Variants in TRAPPC6A observed in about 807,000 individuals in gnomAD.
TRAPPC6A encodes the protein TRAPP complex subunit 6A.
TRAPPC6A carries 25 observed loss-of-function variants against 20.8 expected under a neutral mutation model. The ratio of observed to expected loss-of-function variants is 1.20; its 90% CI spans 0.88 to 1.68. The LOEUF (loss-of-function observed/expected upper bound fraction) is 1.68. TRAPPC6A is among the 40% of genes most tolerant of loss of function. TRAPPC6A has a pLI of 0.00. For missense variants in TRAPPC6A, 215 were observed against 211.6 expected (o/e 1.02, Z -0.10); for synonymous variants, 96 against 93.3 (o/e 1.03, Z -0.16).
chr19:45,163,102 CAA>C lies in TRAPPC6A; in HGVS notation c.*88_*89del. On this transcript the variant is annotated 3_prime_UTR_variant, in exon 6 of 6. Transcript: ENST00000585934. The surrounding 1 kb of genome is among the most constrained non-coding windows in gnomAD (Gnocchi z 5.3). ...TGTGACCCCTAGGGCCTGGGATTCC[CAA>C]GACCACCCCGAAATGCAGCGGCCCC... The C allele has an allele frequency of 5.2e-6, 8 of 1,532,908 alleles. No homozygotes were observed. The highest frequency in any genetic ancestry group is 7.2e-6 in the Non-Finnish European group (8 of 1,115,104). The allele number at this position is 1,532,908 out of a possible 1,614,324, so 95.0% of individuals were successfully genotyped here. A position where few individuals can be genotyped will look rare whatever the true frequency, so the allele number is the denominator to read the frequency against.
At position 45,164,026 on chromosome 19, in the gene TRAPPC6A, G is replaced by T; in HGVS notation, c.355-17C>A. On this transcript the variant is annotated splice_polypyrimidine_tract_variant and intron_variant, in intron 4 of 5. Coordinates refer to ENST00000585934, the MANE Select transcript of TRAPPC6A (RefSeq NM_001270891.2). ...GGCCAGGAACTGAGGAGGGAACACA[G>T]ACCAGCATGGGAAGAGAGGGGAGGC... 1.3e-6 allele frequency: 2 copies of T among 1,564,452 alleles called. No homozygotes were observed. The highest frequency in any genetic ancestry group is 1.2e-5 in the South Asian group (1 of 84,954).
rs1036233360 is a variant in TRAPPC6A, at chr19:45,163,166, T to C, written c.*26A>G. The C allele has an allele frequency of 6.2e-7, 1 of 1,613,700 alleles. No individual in the cohort carries two copies. The highest frequency in any genetic ancestry group is 1.1e-5 in the South Asian group (1 of 91,076). ...AGGCCGGTGAGGCCAGGGGCAGCAG[T>C]GCGGCTCAGCAGGTGCGAGGCAGGC... On this transcript the variant is annotated 3_prime_UTR_variant, in exon 6 of 6. Coordinates refer to ENST00000585934, the MANE Select transcript of TRAPPC6A (RefSeq NM_001270891.2). The surrounding 1 kb of genome is among the most constrained non-coding windows in gnomAD (Gnocchi z 5.3).
In TRAPPC6A at chr19:45,178,118, C is replaced by T; in HGVS notation, c.84+17G>A. 1 of 1,613,150 alleles carries T rather than the reference C, an allele frequency of 6.2e-7. No individual in the cohort carries two copies. On this transcript the variant is annotated intron_variant, in intron 1 of 5. Coordinates refer to ENST00000585934, the MANE Select transcript of TRAPPC6A (RefSeq NM_001270891.2). ...CTTGGTGGCCCCCGCTTCCTCCCCA[C>T]GGAGCCCGGCGCTCACCCCCGGGCC...
rs777140373 is a variant in TRAPPC6A at position 45,164,962 on chromosome 19, C to T, written c.161G>A (p.Arg54Gln). Reference sequence around the variant, plus strand: ...CTCCTCCCTGAAGGCCAGCGTCTCCCGGGGCAGCCTGGTGGGGCAGTACCA... The same window carrying T: ...CTCCTCCCTGAAGGCCAGCGTCTCCTGGGGCAGCCTGGTGGGGCAGTACCA... Reference protein sequence around the residue: ...VGQALGERLPRETLAFREELD... With the variant: ...VGQALGERLPQETLAFREELD... Residue 54 changes from arginine to glutamine, a missense_variant, in exon 3 of 6, where the codon CGG (arginine) becomes CAG (glutamine). By Grantham distance (43) the Arg-to-Gln change is conservative. Transcript: ENST00000585934. The T allele has an allele frequency of 7.4e-6, 12 of 1,614,092 alleles. No homozygotes were observed. Among genetic ancestry groups the T allele is most frequent in the South Asian group, 3.3e-5 (3 of 91,084 alleles).
At chr19:45,170,837 G>C (rs1568465261) in intron 1 of TRAPPC6A, among the ~76,000 whole-genome samples, 2 of 152,336 alleles carry the variant, frequency 1.3e-5, no homozygotes, top group East Asian at 3.9e-4. Flanking sequence ...ACTGAAAAGG[G>C]CTGTGGGGAA....
At position 45,173,439 on chromosome 19, in the gene TRAPPC6A, G is replaced by A. The variant is rs140277552; in HGVS notation, c.84+4696C>T. On this transcript the variant is annotated intron_variant, in intron 1 of 5. Coordinates refer to ENST00000585934, the MANE Select transcript of TRAPPC6A (RefSeq NM_001270891.2). This position sits in a 1 kb window ranked among gnomAD's most constrained non-coding sequence, Gnocchi z 4.8. ...ACCATCCCTGTCCTCAAGGAGCTCT[G>A]AAGCTGGTGGGAAAGGCGGCCTGCG... Among the ~76,000 whole-genome samples, 10,133 of 152,228 alleles carry A rather than the reference G, an allele frequency of 0.067. 526 individuals carry two copies. The highest frequency in any genetic ancestry group is 0.097 in the Non-Finnish European group (6,579 of 68,002).
intron 1 of TRAPPC6A, among the ~76,000 whole-genome samples, chr19:45,167,290 T>C (rs1208299193): frequency 6.6e-6 from 1 of 152,156 alleles, no homozygotes; most frequent in African/African-American, 2.4e-5. Flanking sequence ...CAAAATGACA[T>C]ATGATGAAAC....
intron 1 of TRAPPC6A, among the ~76,000 whole-genome samples, chr19:45,167,842 T>C (rs1184474724): frequency 6.6e-6 from 1 of 151,842 alleles, no homozygotes; most frequent in Non-Finnish European, 1.5e-5. Context: ...CTACAAAAAA[T>C]ACAAAAGTTA....
At chr19:45,176,052 G>C (rs1969366120) in intron 1 of TRAPPC6A, among the ~76,000 whole-genome samples, 1 of 152,002 alleles carries the variant, frequency 6.6e-6, no homozygotes, top group Non-Finnish European at 1.5e-5. Context: ...GAGTGCAGTG[G>C]CATGATCATA....
chr19:45,172,156 CA>C lies in TRAPPC6A; in HGVS notation c.84+5978del. On this transcript the variant is annotated intron_variant, in intron 1 of 5. Coordinates refer to ENST00000585934, the MANE Select transcript of TRAPPC6A (RefSeq NM_001270891.2). The surrounding 1 kb of genome is among the most constrained non-coding windows in gnomAD (Gnocchi z 4.2). ...CCGTACCAGGCAGGATAGGAGGTCA[CA>C]AAAGCCCTACACACTGGCTGTGGCT... 6.6e-6 allele frequency among the ~76,000 whole-genome samples: 1 copy of C among 151,840 alleles called. No homozygotes were observed. The highest frequency in any genetic ancestry group is 2.1e-4 in the South Asian group (1 of 4,814).
At chr19:45,175,344 A>T (rs866765889) in intron 1 of TRAPPC6A, among the ~76,000 whole-genome samples, 1 of 138,462 alleles carries the variant, frequency 7.2e-6, no homozygotes, top group African/African-American at 2.7e-5. Flanking sequence ...GGAGAATGGC[A>T]TGAACCCGGG....
rs534446469 is a variant in TRAPPC6A at position 45,177,520 on chromosome 19, C to T, written c.84+615G>A. 1.3e-4 allele frequency among the ~76,000 whole-genome samples: 19 copies of T among 151,900 alleles called. No homozygotes were observed. In the South Asian group the frequency reaches 3.8e-3, roughly 30 times the overall value. On this transcript the variant is annotated intron_variant, in intron 1 of 5. Transcript: ENST00000585934. Reference sequence around the variant, plus strand: ...CATGCTCGGCTAATTTTTGTAGACACGGGGTTTCACCATGGCCAGGCTGGT... The same window carrying T: ...CATGCTCGGCTAATTTTTGTAGACATGGGGTTTCACCATGGCCAGGCTGGT...
intron 1 of TRAPPC6A, among the ~76,000 whole-genome samples, chr19:45,167,043 C>T (rs901762090): frequency 2.6e-5 from 4 of 152,150 alleles, no homozygotes; most frequent in Non-Finnish European, 2.9e-5. Flanking sequence ...CCCTTCCTCC[C>T]TCCCAGCTTG....
rs1018864563 is a variant in TRAPPC6A, at chr19:45,163,425, C to A, written c.449-202G>T. Reference sequence around the variant, plus strand: ...GGCCACGGATGTGGCCCCAGGGAAGCGCCCGGCACGGGCTTCTGTGGTATG... The same window carrying A: ...GGCCACGGATGTGGCCCCAGGGAAGAGCCCGGCACGGGCTTCTGTGGTATG... On this transcript the variant is annotated intron_variant, in intron 5 of 5. Coordinates refer to ENST00000585934, the MANE Select transcript of TRAPPC6A (RefSeq NM_001270891.2). The surrounding 1 kb of genome is among the most constrained non-coding windows in gnomAD (Gnocchi z 5.3). Among the ~76,000 whole-genome samples, 3 of 152,152 alleles carry A rather than the reference C, an allele frequency of 2.0e-5. No homozygotes were observed. The South Asian group carries it at 6.2e-4, about 32-fold the overall frequency.
Position 45,173,116 on chromosome 19 carries a change from C to T in TRAPPC6A, c.84+5019G>A, listed in dbSNP as rs964455935. Among the ~76,000 whole-genome samples the T allele has an allele frequency of 2.0e-5, 3 of 151,636 alleles. No individual in the cohort carries two copies. The highest frequency in any genetic ancestry group is 2.1e-4 in the South Asian group (1 of 4,820). ...CCTGGTCTCAGACAATGGGTGACAG[C>T]GCCTTAGCTCTTTACTACATGCACT... On this transcript the variant is annotated intron_variant, in intron 1 of 5. Coordinates refer to ENST00000585934, the MANE Select transcript of TRAPPC6A (RefSeq NM_001270891.2). The surrounding 1 kb of genome is among the most constrained non-coding windows in gnomAD (Gnocchi z 4.8).
intron 1 of TRAPPC6A, among the ~76,000 whole-genome samples, chr19:45,167,908 G>C (rs1344399829): frequency 6.6e-5 from 10 of 152,078 alleles, no homozygotes. Context: ...TGAGGCAGGA[G>C]GATCATCTGA....
At chr19:45,165,919 T>G (rs1374145342) in intron 1 of TRAPPC6A, among the ~76,000 whole-genome samples, 11 of 151,948 alleles carry the variant, frequency 7.2e-5, no homozygotes, top group Non-Finnish European at 1.5e-4. Flanking sequence ...ATGGATTTTT[T>G]TTTTTTTAAG....
chr19:45,166,371 G>A (rs1027970789), intron 1 of TRAPPC6A, among the ~76,000 whole-genome samples: 6 of 150,708 alleles, frequency 4.0e-5, no homozygotes, highest in African/African-American at 1.2e-4. Flanking sequence ...ACCACACCCG[G>A]CTAATTTTTG....
At chr19:45,169,301 TTTTG>T (rs1228274189) in intron 1 of TRAPPC6A, among the ~76,000 whole-genome samples, 2 of 152,130 alleles carry the variant, frequency 1.3e-5, no homozygotes, top group Admixed American at 6.6e-5. Context: ...AAGAGGGTCA[TTTTG>T]TTTGTTTTTG....
Sources: gnomAD v4.1 joint callset for allele counts (sites outside exome capture counted in the v4.1 genomes callset) on GRCh38, gnomAD v4.1.1 for gene constraint, Gnocchi (gnomAD v3.1) non-coding constraint, MANE v1.5 for transcripts, NCBI Gene and HGNC (gene_info 2026-07-23, HGNC 2026-07-21) for gene names.